FAM184B: variants seen among roughly 807,000 people sequenced by gnomAD.
FAM184B encodes protein FAM184B.
FAM184B carries 111 observed loss-of-function variants against 135.9 expected under a neutral mutation model. The observed-to-expected ratio is 0.82, with a 90% CI of 0.70 to 0.96. The LOEUF (loss-of-function observed/expected upper bound fraction) is 0.96, where lower values mean the gene tolerates loss of function less well. Among genes scored for constraint, FAM184B ranks in the 40% least tolerant of loss-of-function variants. The pLI, the probability that FAM184B is intolerant of heterozygous loss-of-function variation, is 0.00. For synonymous variants in FAM184B, 552 were observed against 524.8 expected, an observed-to-expected ratio of 1.05 and a Z score of -0.71; for missense variants, 1,375 against 1,323.9, an observed-to-expected ratio of 1.04 and a Z score of -0.60.
chr4:17,647,031 A>G (rs1010898905), intron 12 of FAM184B, among the ~76,000 whole-genome samples: 2 of 152,190 alleles, frequency 1.3e-5, no homozygotes, highest in African/African-American at 4.8e-5. Flanking sequence ...GATCCAGAGG[A>G]GTAGCCCAGA....
intron 14 of FAM184B, 34 bp downstream of exon 14, chr4:17,639,216 C>G: frequency 6.5e-7 from 1 of 1,549,000 alleles, no homozygotes; most frequent in Non-Finnish European, 8.7e-7. Flanking sequence ...GGTACATTTG[C>G]AAGACCCTCC....
intron 7 of FAM184B, among the ~76,000 whole-genome samples, chr4:17,685,214 A>G (rs1399596803): frequency 1.3e-5 from 2 of 150,972 alleles, no homozygotes; most frequent in Non-Finnish European, 2.9e-5. Flanking sequence ...AAAAAAAAAA[A>G]AAAAGAAACC....
intron 1 of FAM184B, among the ~76,000 whole-genome samples, chr4:17,746,731 C>G (rs1427735297): frequency 9.1e-6 from 1 of 110,352 alleles, no homozygotes; most frequent in Non-Finnish European, 1.9e-5. Context: ...GACACGGTCT[C>G]AAAAAAAAAA....
At chr4:17,750,622 A>C (rs964714017) in intron 1 of FAM184B, among the ~76,000 whole-genome samples, 3 of 152,182 alleles carry the variant, frequency 2.0e-5, no homozygotes, top group Admixed American at 2.0e-4. Flanking sequence ...ACAATCAAAA[A>C]TGTCTCCAGA....
chr4:17,714,916 G>A (rs1004079564), intron 1 of FAM184B, among the ~76,000 whole-genome samples: 5 of 152,034 alleles, frequency 3.3e-5, no homozygotes, highest in African/African-American at 1.2e-4. Flanking sequence ...GTATCCCTTG[G>A]GGACACCAAG....
At position 17,632,594 on chromosome 4, in the gene FAM184B, C is replaced by G. The variant is rs1242223759; in HGVS notation, c.3121G>C (p.Glu1041Gln). The change falls in exon 18 of 18, where the codon GAA (glutamate) becomes CAA (glutamine). Residue 1041 changes from glutamate to glutamine, a missense_variant. Coordinates refer to ENST00000265018, the MANE Select transcript of FAM184B (RefSeq NM_015688.2). ...TPDGETAQAK[E>Q]VQQKQGSPHQ... is the part of the protein sequence containing the mutation. ...GGAGAGCCCTGTTTCTGCTGGACTTCTTTGGCTTGGGCCGTTTCACCATCT... is the reference window on the plus strand; with the variant it reads ...GGAGAGCCCTGTTTCTGCTGGACTTGTTTGGCTTGGGCCGTTTCACCATCT... 2 of 1,551,138 alleles carry G rather than the reference C, an allele frequency of 1.3e-6. No homozygotes were observed. Among genetic ancestry groups the G allele is most frequent in the South Asian group, 2.4e-5 (2 of 84,040 alleles).
chr4:17,654,410 G>A (rs867362463), intron 10 of FAM184B, among the ~76,000 whole-genome samples: 17 of 152,136 alleles, frequency 1.1e-4, no homozygotes, highest in Middle Eastern at 6.8e-3. Context: ...CTCAAATTCC[G>A]AAGCTCAAGC....
chr4:17,766,129 G>C (rs1342927002), intron 1 of FAM184B, among the ~76,000 whole-genome samples: 2 of 152,198 alleles, frequency 1.3e-5, no homozygotes, highest in African/African-American at 2.4e-5. Context: ...AACCTAACCA[G>C]GTTGCCATTG....
At chr4:17,710,672 A>C (rs767600172) in intron 1 of FAM184B, among the ~76,000 whole-genome samples, 2 of 152,148 alleles carry the variant, frequency 1.3e-5, no homozygotes, top group Non-Finnish European at 2.9e-5. Flanking sequence ...TTTTAACACA[A>C]AAGAAAAAAA....
rs77407051 is a variant in FAM184B at position 17,679,538 on chromosome 4, C to T, written c.1596+8886G>A. Among the ~76,000 whole-genome samples the T allele has an allele frequency of 8.5e-5, 13 of 152,130 alleles. No individual in the cohort carries two copies. The East Asian group carries it at 1.7e-3, about 20-fold the overall frequency. On this transcript the variant is annotated intron_variant, in intron 7 of 17. Transcript: ENST00000265018. Reference sequence around the variant, plus strand: ...AAAGAACACATGTTGACATGGATGTCGTGAAAAGAGAACATTTTTACAGTG... The same window carrying T: ...AAAGAACACATGTTGACATGGATGTTGTGAAAAGAGAACATTTTTACAGTG...
chr4:17,771,478 C>G (rs915688188), intron 1 of FAM184B, among the ~76,000 whole-genome samples: 12 of 152,216 alleles, frequency 7.9e-5, no homozygotes, highest in African/African-American at 2.9e-4. Flanking sequence ...AAGATTCCAA[C>G]AGAGAGGGCT....
At chr4:17,650,185 C>A (rs1230851493) in intron 11 of FAM184B, among the ~76,000 whole-genome samples, 1 of 151,476 alleles carries the variant, frequency 6.6e-6, no homozygotes, top group Non-Finnish European at 1.5e-5. Flanking sequence ...TCCACTTGTC[C>A]ATCCATCCAT....
At position 17,658,496 on chromosome 4, in the gene FAM184B, T is replaced by A; in HGVS notation, c.1891A>T (p.Lys631Ter). The change falls in exon 10 of 18, where the codon AAG (lysine) becomes TAG (stop). Residue 631 changes from lysine (K) to a stop codon, truncating the protein, a stop_gained. Transcript: ENST00000265018. LOFTEE classifies it high-confidence loss of function. ...SNYREDLQAL[K>*]QLSDLEREKL... is the part of the protein sequence containing the mutation. ...TCCCTCTCCAGGTCCGAGAGCTGCT[T>A]GAGTGCCTGCAGGTCCTCCCTGTAG... 6.4e-7 allele frequency: 1 copy of A among 1,551,572 alleles called. No homozygotes were observed.
intron 1 of FAM184B, among the ~76,000 whole-genome samples, chr4:17,734,446 A>G (rs1248384556): frequency 6.6e-6 from 1 of 152,188 alleles, no homozygotes; most frequent in Non-Finnish European, 1.5e-5. Flanking sequence ...ACAAAGGCCT[A>G]ATATCCAGAA....
chr4:17,688,392 C>G lies in FAM184B; in HGVS notation c.1596+32G>C, dbSNP rs181188427. On this transcript the variant is annotated intron_variant, in intron 7 of 17. Coordinates refer to ENST00000265018, the MANE Select transcript of FAM184B (RefSeq NM_015688.2). ...AGGCTGAGACCGAGAAAAGAAATAT[C>G]TTTAATTAAATCTGACAAAGCTGGA... 6 of 1,483,170 alleles carry G rather than the reference C, an allele frequency of 4.0e-6. No individual in the cohort carries two copies. In the East Asian group the frequency reaches 1.5e-4, roughly 37 times the overall value. 91.9% of individuals were successfully genotyped at this position (1,483,170 alleles called of 1,614,324 possible).
rs112671979 is a variant in FAM184B, at chr4:17,679,678, T to TA, written c.1596+8745dup. ...ACCCCCAATCCCACTACTGGGTATC[T>TA]ACCCTGAGGAAAATAAGTCATTATA... On this transcript the variant is annotated intron_variant, in intron 7 of 17. Transcript: ENST00000265018. 3.3e-3 allele frequency among the ~76,000 whole-genome samples: 499 copies of TA among 152,310 alleles called. 4 individuals are homozygous for TA. Among genetic ancestry groups the TA allele is most frequent in the African/African-American group, 0.011 (469 of 41,570 alleles).
chr4:17,633,676 A>G lies in FAM184B; in HGVS notation c.3089+13T>C, dbSNP rs190016398. 1.1e-5 allele frequency: 17 copies of G among 1,500,588 alleles called. No homozygotes were observed. In the East Asian group the frequency reaches 2.3e-4, roughly 21 times the overall value. 93.0% of individuals were successfully genotyped at this position (1,500,588 alleles called of 1,614,324 possible). On this transcript the variant is annotated intron_variant, in intron 17 of 17. Transcript: ENST00000265018. ...AATAGAATAAGGGCCCCTGTCCCCA[A>G]CATCCCCCAAACCTTGTGGCAGTTT...
At chr4:17,729,106 C>T (rs1260667450) in intron 1 of FAM184B, among the ~76,000 whole-genome samples, 2 of 152,220 alleles carry the variant, frequency 1.3e-5, no homozygotes, top group Non-Finnish European at 2.9e-5. Flanking sequence ...TTATATCCCG[C>T]ACATGGCTTG....
At position 17,637,826 on chromosome 4, in the gene FAM184B, G is replaced by A. The variant is rs754453987; in HGVS notation, c.2667-1181C>T. 2.2e-4 allele frequency among the ~76,000 whole-genome samples: 33 copies of A among 152,208 alleles called. 1 individual carries two copies. Among genetic ancestry groups the A allele is most frequent in the African/African-American group, 7.2e-5 (3 of 41,544 alleles). ...GTCTTGCTAGTCACCCCCTCCCCCT[G>A]TTTCTTCTCAGCAGTCAGAAGTGAC... is the stretch of plus-strand genomic sequence containing the variant. On this transcript the variant is annotated intron_variant, in intron 14 of 17. Transcript: ENST00000265018.
Sources: allele counts gnomAD v4.1 joint callset (sites outside exome capture counted in the v4.1 genomes callset), GRCh38; gene constraint gnomAD v4.1.1; transcripts MANE v1.5; gene names NCBI Gene and HGNC (gene_info 2026-07-23, HGNC 2026-07-21).